The following GABRA2 variants were observed in gnomAD, a reference collection of about 807,000 sequenced individuals.
The protein encoded by GABRA2 is gamma-aminobutyric acid type A receptor subunit alpha2, also known as gamma-aminobutyric acid receptor subunit alpha-2.
Under a neutral mutation model 48.7 loss-of-function variants are expected in GABRA2, and 16 were observed. The ratio of observed to expected loss-of-function variants is 0.33; its 90% CI spans 0.22 to 0.50. The LOEUF (loss-of-function observed/expected upper bound fraction) is 0.50. Among genes scored for constraint, GABRA2 ranks in the 20% least tolerant of loss-of-function variants. GABRA2 has a pLI of 0.98. For synonymous variants in GABRA2, 185 were observed against 184.5 expected (o/e 1.00, Z -0.02); for missense variants, 275 against 535.6 (o/e 0.51, Z 4.80).
At chr4:46,284,952 G>T (rs1722252005) in intron 8 of GABRA2, among the ~76,000 whole-genome samples, 1 of 148,756 alleles carries the variant, frequency 6.7e-6, no homozygotes, top group African/African-American at 2.5e-5. Flanking sequence ...TCAATTTAAA[G>T]TGAGAAATTT....
At chr4:46,328,599 CTA>C (rs1184358693) in intron 4 of GABRA2, among the ~76,000 whole-genome samples, 2 of 150,858 alleles carry the variant, frequency 1.3e-5, no homozygotes, top group African/African-American at 2.5e-5. Flanking sequence ...AATAATATGG[CTA>C]TGTTTTCCCT....
At chr4:46,328,612 TC>T (rs1730802295) in intron 4 of GABRA2, among the ~76,000 whole-genome samples, 1 of 152,052 alleles carries the variant, frequency 6.6e-6, no homozygotes, top group African/African-American at 2.4e-5. Flanking sequence ...TGTTTTCCCT[TC>T]CCATCATGAT....
At chr4:46,263,089 A>G (rs1173923680) in intron 8 of GABRA2, among the ~76,000 whole-genome samples, 1 of 152,108 alleles carries the variant, frequency 6.6e-6, no homozygotes, top group Non-Finnish European at 1.5e-5. Context: ...ATATACATAT[A>G]CATATACATG....
At chr4:46,350,367 A>G (rs1442129724) in intron 3 of GABRA2, among the ~76,000 whole-genome samples, 7 of 151,938 alleles carry the variant, frequency 4.6e-5, no homozygotes, top group African/African-American at 1.4e-4. Context: ...CTTACAGTCC[A>G]GTTAAGAAGT....
At chr4:46,328,684 T>C (rs184835136) in intron 4 of GABRA2, among the ~76,000 whole-genome samples, 1 of 152,174 alleles carries the variant, frequency 6.6e-6, no homozygotes, top group East Asian at 1.9e-4. Context: ...ATTGTGCAGG[T>C]TAGTTACGTA....
chr4:46,356,108 C>A (rs546993579), intron 3 of GABRA2, among the ~76,000 whole-genome samples: 1 of 152,264 alleles, frequency 6.6e-6, no homozygotes, highest in East Asian at 1.9e-4. Context: ...TGCCCCTGAC[C>A]ATGTTAATCT....
chr4:46,328,372 C>T (rs1207786481), intron 4 of GABRA2, among the ~76,000 whole-genome samples: 1 of 151,050 alleles, frequency 6.6e-6, no homozygotes, highest in African/African-American at 2.5e-5. Flanking sequence ...TTTTTTCTCT[C>T]AGGCTAATGT....
At chr4:46,354,660 G>A (rs1306021035) in intron 3 of GABRA2, among the ~76,000 whole-genome samples, 1 of 152,016 alleles carries the variant, frequency 6.6e-6, no homozygotes, top group Non-Finnish European at 1.5e-5. Context: ...TTTAAAATGA[G>A]CCAGGTGGCT....
intron 3 of GABRA2, among the ~76,000 whole-genome samples, chr4:46,343,096 T>C (rs961139246): frequency 6.6e-5 from 10 of 152,006 alleles, no homozygotes; most frequent in Admixed American, 6.6e-4. Flanking sequence ...GAAATGGACA[T>C]TGTAATTCAA....
intron 8 of GABRA2, among the ~76,000 whole-genome samples, chr4:46,301,585 A>T (rs1413722573): frequency 2.0e-5 from 3 of 152,126 alleles, no homozygotes; most frequent in Non-Finnish European, 4.4e-5. Flanking sequence ...TGCACAATCT[A>T]TTCTTTTGAG....
chr4:46,330,720 C>A (rs1026415049), intron 4 of GABRA2, among the ~76,000 whole-genome samples: 1 of 151,672 alleles, frequency 6.6e-6, no homozygotes, highest in Non-Finnish European at 1.5e-5. Context: ...TGAAAATGTA[C>A]TGATATTTGG....
chr4:46,247,828 G>T lies in GABRA2; in HGVS notation c.*2480C>A, dbSNP rs557345283. ...CATCCCTAGTCTCCCCACAAGAGAA[G>T]AAGCTCCTTTTGATTTATTTAAACA... is the stretch of plus-strand genomic sequence containing the variant. On this transcript the variant is annotated 3_prime_UTR_variant, in exon 10 of 10. Coordinates refer to ENST00000381620, the MANE Select transcript of GABRA2 (RefSeq NM_000807.4). Among the ~76,000 whole-genome samples, 237 of 151,338 alleles carry T rather than the reference G, an allele frequency of 1.6e-3. No individual in the cohort carries two copies. The highest frequency in any genetic ancestry group is 5.4e-3 in the African/African-American group (223 of 41,452).
chr4:46,301,609 C>G (rs1476212414), intron 8 of GABRA2, among the ~76,000 whole-genome samples: 1 of 152,132 alleles, frequency 6.6e-6, no homozygotes, highest in African/African-American at 2.4e-5. Flanking sequence ...GGATTCTTGC[C>G]CCATCTCATC....
chr4:46,290,449 A>G (rs998855284), intron 8 of GABRA2, among the ~76,000 whole-genome samples: 1 of 152,022 alleles, frequency 6.6e-6, no homozygotes, highest in African/African-American at 2.4e-5. Context: ...TTCTTTCAGC[A>G]ATGATTTGTA....
chr4:46,262,561 G>C (rs1028834192), intron 8 of GABRA2, among the ~76,000 whole-genome samples: 1 of 151,962 alleles, frequency 6.6e-6, no homozygotes, highest in Non-Finnish European at 1.5e-5. Context: ...TTAAGCAATG[G>C]ACCAATAACC....
intron 8 of GABRA2, among the ~76,000 whole-genome samples, chr4:46,283,564 C>T (rs1308148724): frequency 2.0e-5 from 3 of 152,084 alleles, no homozygotes; most frequent in African/African-American, 7.3e-5. Flanking sequence ...ATCTGTAGAA[C>T]TAAGGAGAAA....
At chr4:46,337,206 T>C (rs1227914448) in intron 3 of GABRA2, among the ~76,000 whole-genome samples, 5 of 152,068 alleles carry the variant, frequency 3.3e-5, no homozygotes, top group South Asian at 2.1e-4. Flanking sequence ...AAAAAGACAG[T>C]ATCTCAATGC....
At chr4:46,276,190 T>G (rs1403905304) in intron 8 of GABRA2, among the ~76,000 whole-genome samples, 1 of 152,060 alleles carries the variant, frequency 6.6e-6, no homozygotes, top group East Asian at 1.9e-4. Context: ...CTGTCACAGA[T>G]GAGTTCCAAG....
intron 8 of GABRA2, among the ~76,000 whole-genome samples, chr4:46,278,689 A>G: frequency 6.6e-6 from 1 of 152,144 alleles, no homozygotes; most frequent in East Asian, 1.9e-4. Context: ...TATAATGAGT[A>G]TGTGAGCCCA....
Sources: gnomAD v4.1 joint callset for allele counts (sites outside exome capture counted in the v4.1 genomes callset) on GRCh38, gnomAD v4.1.1 for gene constraint, MANE v1.5 for transcripts, NCBI Gene and HGNC (gene_info 2026-07-23, HGNC 2026-07-21) for gene names.